The following NRF1 variants were observed in gnomAD, a reference collection of about 807,000 sequenced individuals.
The protein encoded by NRF1 is nuclear respiratory factor 1, also known as alpha palindromic-binding protein.
A neutral mutation model predicts 58.5 loss-of-function variants in NRF1; 5 were observed. The observed-to-expected ratio is 0.09, with a 90% CI of 0.04 to 0.18. NRF1 has a LOEUF of 0.18. Ranked by LOEUF, NRF1 falls within the 10% of genes least tolerant of loss-of-function variation. NRF1 has a pLI of 1.00. For synonymous variants in NRF1, 224 were observed against 246.7 expected, an observed-to-expected ratio of 0.91 and a Z score of 0.86; for missense variants, 288 against 657.7, an observed-to-expected ratio of 0.44 and a Z score of 6.15.
Position 129,615,453 on chromosome 7 carries a change from G to C in NRF1, c.-7+3629G>C, listed in dbSNP as rs148610430. Reference sequence around the variant, plus strand: ...TGATGCTTATTAATATGTATATATAGAGTATTTGGAAAATCAATCTTAAAA... The same window carrying C: ...TGATGCTTATTAATATGTATATATACAGTATTTGGAAAATCAATCTTAAAA... On this transcript the variant is annotated intron_variant, in intron 1 of 10. Transcript: ENST00000393232. Among the ~76,000 whole-genome samples the C allele has an allele frequency of 2.2e-3, 339 of 152,286 alleles. 3 individuals are homozygous for C. The highest frequency in any genetic ancestry group is 7.4e-3 in the African/African-American group (308 of 41,554).
At chr7:129,751,786 C>G (rs2116326192) in intron 10 of NRF1, among the ~76,000 whole-genome samples, 1 of 152,358 alleles carries the variant, frequency 6.6e-6, no homozygotes, top group African/African-American at 2.4e-5. Flanking sequence ...ATGTGGGTTC[C>G]CTGGAGGAAC....
chr7:129,725,391 G>C (rs1190956325), intron 9 of NRF1, among the ~76,000 whole-genome samples: 1 of 146,752 alleles, frequency 6.8e-6, no homozygotes, highest in Non-Finnish European at 1.5e-5. Flanking sequence ...GCAATGGCAT[G>C]ATATCGGCCC....
chr7:129,755,788 C>T lies in NRF1; in HGVS notation c.*607C>T, dbSNP rs1804239426. On this transcript the variant is annotated 3_prime_UTR_variant, in exon 11 of 11. Transcript: ENST00000393232. This position sits in a 1 kb window ranked among gnomAD's most constrained non-coding sequence, Gnocchi z 5.8. ...CACACAGAACTCTCCCTGCTGGACT[C>T]ACCTGAGGAAAGAGGCTCCAGCATG... The T allele has an allele frequency of 6.5e-6, 1 of 152,766 alleles. No individual in the cohort carries two copies. Among genetic ancestry groups the T allele is most frequent in the Admixed American group, 6.6e-5 (1 of 15,266 alleles). 9.5% of individuals were successfully genotyped at this position (152,766 alleles called of 1,614,324 possible).
intron 1 of NRF1, among the ~76,000 whole-genome samples, chr7:129,628,534 T>G (rs1457642437): frequency 1.4e-4 from 21 of 152,222 alleles, no homozygotes; most frequent in Non-Finnish European, 2.2e-4. Flanking sequence ...AACACTTTAG[T>G]GAGAAACATT....
chr7:129,731,260 G>C (rs1803571366), intron 10 of NRF1, among the ~76,000 whole-genome samples: 1 of 138,406 alleles, frequency 7.2e-6, no homozygotes, highest in Non-Finnish European at 1.6e-5. Flanking sequence ...GACAGAGCAA[G>C]ACTCCGTCTT....
chr7:129,731,056 G>C (rs1406125234), intron 10 of NRF1, among the ~76,000 whole-genome samples: 1 of 151,868 alleles, frequency 6.6e-6, no homozygotes, highest in Admixed American at 6.6e-5. Context: ...TGGATGACCT[G>C]AGGTCAGGAG....
chr7:129,748,017 T>C (rs1265396869), intron 10 of NRF1, among the ~76,000 whole-genome samples: 1 of 152,136 alleles, frequency 6.6e-6, no homozygotes. Flanking sequence ...GGCTCATGCC[T>C]ATAATCCCAG....
In NRF1 at chr7:129,690,498, G is replaced by A. The variant is rs1305112249; in HGVS notation, c.558G>A (p.Pro186=). Residue 186 remains proline (P), a synonymous_variant, in exon 5 of 11, where the codon CCG becomes CCA. Transcript: ENST00000393232. The part of the protein sequence containing the change: ...PAPQEVNSEL[P]PLTIDGIPVS... ...CACAGGAGGTTAACTCAGAACTGCC[G>A]CCTCTCACCATCGACGGAATTCCAG... 1 of 1,614,048 alleles carries A rather than the reference G, an allele frequency of 6.2e-7. No homozygotes were observed. Among genetic ancestry groups the A allele is most frequent in the Non-Finnish European group, 8.5e-7 (1 of 1,180,048 alleles).
chr7:129,663,635 T>C (rs1432387374), intron 2 of NRF1, among the ~76,000 whole-genome samples: 1 of 119,356 alleles, frequency 8.4e-6, no homozygotes. Context: ...CGCTCCTCAC[T>C]TCCCAGACGG....
At chr7:129,737,683 C>T (rs147283566) in intron 10 of NRF1, among the ~76,000 whole-genome samples, 24 of 152,260 alleles carry the variant, frequency 1.6e-4, no homozygotes, top group Non-Finnish European at 2.9e-4. Context: ...TGTTTCTCCC[C>T]AAAAAGGTTG....
At chr7:129,626,876 A>C (rs1033206835) in intron 1 of NRF1, among the ~76,000 whole-genome samples, 5 of 152,228 alleles carry the variant, frequency 3.3e-5, no homozygotes, top group African/African-American at 1.2e-4. Flanking sequence ...TCCATTGCTA[A>C]AGTAACAAAT....
intron 3 of NRF1, among the ~76,000 whole-genome samples, chr7:129,674,302 G>C (rs1802125010): frequency 6.6e-6 from 1 of 151,816 alleles, no homozygotes; most frequent in African/African-American, 2.4e-5. Context: ...CTACAATAAA[G>C]CAAGTATCAC....
intron 1 of NRF1, among the ~76,000 whole-genome samples, chr7:129,628,341 A>T (rs1321477177): frequency 6.6e-6 from 1 of 151,556 alleles, no homozygotes; most frequent in Non-Finnish European, 1.5e-5. Context: ...CTCTCATAAA[A>T]ATTATTGAGG....
intron 8 of NRF1, among the ~76,000 whole-genome samples, chr7:129,715,958 TC>T (rs1387248454): frequency 2.0e-5 from 3 of 150,450 alleles, no homozygotes; most frequent in African/African-American, 7.4e-5. Flanking sequence ...TGAGCCGAGA[TC>T]GCGCCACTGC....
At chr7:129,748,380 G>A (rs1804032996) in intron 10 of NRF1, among the ~76,000 whole-genome samples, 1 of 152,034 alleles carries the variant, frequency 6.6e-6, no homozygotes, top group African/African-American at 2.4e-5. Flanking sequence ...ACATACCTGG[G>A]GCCAAATGAA....
chr7:129,745,506 A>ACCCCCC (rs35406699), intron 10 of NRF1, among the ~76,000 whole-genome samples: 40 of 112,568 alleles, frequency 3.6e-4, no homozygotes, highest in African/African-American at 4.1e-4. Context: ...ATCCCCCTCA[A>ACCCCCC]CCCCCCCCCC....
chr7:129,726,067 A>G (rs1584675850), intron 9 of NRF1, among the ~76,000 whole-genome samples: 1 of 152,304 alleles, frequency 6.6e-6, no homozygotes, highest in African/African-American at 2.4e-5. Flanking sequence ...GCTTGTGCTT[A>G]CAAGACCACT....
intron 5 of NRF1, among the ~76,000 whole-genome samples, chr7:129,700,227 G>C (rs1483837660): frequency 6.6e-6 from 1 of 151,980 alleles, no homozygotes; most frequent in African/African-American, 2.4e-5. Flanking sequence ...ATGTTAAAAT[G>C]ATAATGTTAT....
chr7:129,619,079 G>GA (rs978540166), intron 1 of NRF1, among the ~76,000 whole-genome samples: 10 of 151,220 alleles, frequency 6.6e-5, no homozygotes, highest in African/African-American at 2.2e-4. Flanking sequence ...CAGGAGTGAA[G>GA]AAAAAAAACT....
Sources: allele counts gnomAD v4.1 joint callset (sites outside exome capture counted in the v4.1 genomes callset), GRCh38; gene constraint gnomAD v4.1.1; non-coding constraint Gnocchi (gnomAD v3.1); transcripts MANE v1.5; gene names NCBI Gene and HGNC (gene_info 2026-07-23, HGNC 2026-07-21).